The following MTARC1 variants were observed in gnomAD, a reference collection of about 807,000 sequenced individuals.
The protein encoded by MTARC1 is mitochondrial amidoxime reducing component 1.
MTARC1 carries 24 observed loss-of-function variants against 33.6 expected under a neutral mutation model. That is an observed-to-expected ratio of 0.72 (90% CI 0.52 to 1.01). The LOEUF (loss-of-function observed/expected upper bound fraction) is 1.01. Among genes scored for constraint, MTARC1 ranks in the 50% least tolerant of loss-of-function variants. The pLI is 0.00. For missense variants in MTARC1, 417 were observed against 445.7 expected, an observed-to-expected ratio of 0.94 and a Z score of 0.58; for synonymous variants, 187 against 189.5, an observed-to-expected ratio of 0.99 and a Z score of 0.11.
At position 220,812,045 on chromosome 1, in the gene MTARC1, G is replaced by A. The variant is rs551733991; in HGVS notation, c.888-1247G>A. On this transcript the variant is annotated intron_variant, in intron 6 of 6. Transcript: ENST00000366910. ...GAGAATTGAGGAGGGGGAATTACTC[G>A]TAGCTGGGGGAACCTGGGCTTCCTT... Among the ~76,000 whole-genome samples the A allele has an allele frequency of 9.8e-5, 15 of 152,340 alleles. No homozygotes were observed. In the East Asian group the frequency reaches 2.9e-3, roughly 29 times the overall value.
chr1:220,817,268 G>T lies in MTARC1; in HGVS notation c.*3850G>T. 6.3e-6 allele frequency: 1 copy of T among 159,922 alleles called. No homozygotes were observed. Among genetic ancestry groups the T allele is most frequent in the South Asian group, 2.0e-4 (1 of 5,116 alleles). The allele number at this position is 159,922 out of a possible 1,614,324, so 9.9% of individuals were successfully genotyped here. A position where few individuals can be genotyped will look rare whatever the true frequency, so the allele number is the denominator to read the frequency against. ...AGTTGGTTCCTTCTGGTGGGTTCTT[G>T]GTCTCGCTGACTTCAAGAATGAAGC... is the stretch of plus-strand genomic sequence containing the variant. On this transcript the variant is annotated 3_prime_UTR_variant, in exon 7 of 7. Coordinates refer to ENST00000366910, the MANE Select transcript of MTARC1 (RefSeq NM_022746.4).
chr1:220,791,673 AG>A lies in MTARC1; in HGVS notation c.449+12del. On this transcript the variant is annotated intron_variant, in intron 2 of 6. Coordinates refer to ENST00000366910, the MANE Select transcript of MTARC1 (RefSeq NM_022746.4). ...GCAGTGCACAAGTGCAGGTAAGGAAAGGGCAGGTCGTAGCCCTTGTGTGAAT... is the reference window on the plus strand; with the variant it reads ...GCAGTGCACAAGTGCAGGTAAGGAAAGGCAGGTCGTAGCCCTTGTGTGAAT... The A allele has an allele frequency of 6.2e-7, 1 of 1,613,532 alleles. No individual in the cohort carries two copies. Among genetic ancestry groups the A allele is most frequent in the Non-Finnish European group, 8.5e-7 (1 of 1,179,492 alleles).
At chr1:220,798,383 G>A in intron 4 of MTARC1, 1 of 1,182,726 alleles carries the variant, frequency 8.5e-7, no homozygotes, top group South Asian at 1.7e-5. Flanking sequence ...TTACTGTTTA[G>A]TAGACGGCTC....
intron 2 of MTARC1, among the ~76,000 whole-genome samples, chr1:220,792,246 A>T (rs1277378117): frequency 1.3e-5 from 2 of 152,170 alleles, no homozygotes; most frequent in African/African-American, 4.8e-5. Flanking sequence ...ACCCAGGAGG[A>T]TGTTCTGTAC....
At chr1:220,788,322 A>G (rs1413122228) in intron 1 of MTARC1, among the ~76,000 whole-genome samples, 3 of 152,162 alleles carry the variant, frequency 2.0e-5, no homozygotes, top group East Asian at 3.9e-4. Flanking sequence ...GTGAGGCTGC[A>G]CTTGAAACTC....
intron 6 of MTARC1, among the ~76,000 whole-genome samples, chr1:220,812,406 A>G (rs932901463): frequency 6.6e-6 from 1 of 152,260 alleles, no homozygotes; most frequent in Non-Finnish European, 1.5e-5. Context: ...CAGTGTCAAC[A>G]ATGAATTGAA....
At chr1:220,804,380 ATATT>A (rs1420286912) in intron 4 of MTARC1, among the ~76,000 whole-genome samples, 2 of 152,146 alleles carry the variant, frequency 1.3e-5, no homozygotes, top group East Asian at 3.8e-4. Flanking sequence ...TAAAAATAAA[ATATT>A]TATCTTTAGA....
At chr1:220,800,136 C>T (rs2102597949) in intron 4 of MTARC1, among the ~76,000 whole-genome samples, 1 of 152,214 alleles carries the variant, frequency 6.6e-6, no homozygotes, top group Non-Finnish European at 1.5e-5. Flanking sequence ...GGAGATGGCC[C>T]AGAGTAGAAC....
In MTARC1 at chr1:220,818,527, G is replaced by C. The variant is rs891665353; in HGVS notation, c.*5109G>C. 6.6e-6 allele frequency: 1 copy of C among 152,094 alleles called. No individual in the cohort carries two copies. Among genetic ancestry groups the C allele is most frequent in the Non-Finnish European group, 1.5e-5 (1 of 68,028 alleles). 9.4% of individuals were successfully genotyped at this position (152,094 alleles called of 1,614,324 possible). Reference sequence around the variant, plus strand: ...AGTCATGCTCCTTTACCTTTACAGAGCATCCTAGACTGCTCTTCCTCTTAC... The same window carrying C: ...AGTCATGCTCCTTTACCTTTACAGACCATCCTAGACTGCTCTTCCTCTTAC... On this transcript the variant is annotated 3_prime_UTR_variant, in exon 7 of 7. Transcript: ENST00000366910.
chr1:220,787,851 A>G (rs552929374), intron 1 of MTARC1, among the ~76,000 whole-genome samples: 2 of 152,014 alleles, frequency 1.3e-5, no homozygotes, highest in Non-Finnish European at 2.9e-5. Flanking sequence ...CAAACAAAAA[A>G]ACAAAAATTA....
At chr1:220,794,675 G>T (rs1025713821) in intron 2 of MTARC1, among the ~76,000 whole-genome samples, 1 of 152,020 alleles carries the variant, frequency 6.6e-6, no homozygotes, top group Admixed American at 6.6e-5. Context: ...ATAAATTTGG[G>T]TATGTTTATT....
intron 4 of MTARC1, among the ~76,000 whole-genome samples, chr1:220,803,571 CTG>C (rs1265449980): frequency 1.3e-5 from 2 of 152,142 alleles, no homozygotes; most frequent in East Asian, 3.9e-4. Flanking sequence ...CCTCCCTTCT[CTG>C]AAGCTACCGT....
intron 6 of MTARC1, among the ~76,000 whole-genome samples, chr1:220,808,037 A>G (rs1170593269): frequency 6.6e-6 from 1 of 152,158 alleles, no homozygotes; most frequent in African/African-American, 2.4e-5. Flanking sequence ...AAATCAGCCA[A>G]GTGGTTTGGG....
Position 220,813,314 on chromosome 1 carries a change from G to GAACGA in MTARC1, c.913_917dup (p.Lys306AsnfsTer73). Reference sequence around the variant, plus strand: ...CAGTTATCGCCAGTGTGACCCTTCAGAACGAAAGTTATATGGAAAATCACC... The same window carrying GAACGA: ...CAGTTATCGCCAGTGTGACCCTTCAGAACGAAACGAAAGTTATATGGAAAATCACC... On this transcript the variant is annotated frameshift_variant, in exon 7 of 7. Coordinates refer to ENST00000366910, the MANE Select transcript of MTARC1 (RefSeq NM_022746.4). LOFTEE classifies it low-confidence loss of function (END_TRUNC). 4 of 1,614,110 alleles carry GAACGA rather than the reference G, an allele frequency of 2.5e-6. No individual in the cohort carries two copies. Among genetic ancestry groups the GAACGA allele is most frequent in the Non-Finnish European group, 3.4e-6 (4 of 1,180,032 alleles).
At chr1:220,798,422 G>T in intron 4 of MTARC1, 1 of 1,173,456 alleles carries the variant, frequency 8.5e-7, no homozygotes, top group Non-Finnish European at 1.1e-6. Context: ...TTTACTGCAA[G>T]GCTGCTGGGT....
rs1320087050 is a variant in MTARC1, at chr1:220,787,210, T to G, written c.266T>G (p.Leu89Arg). Residue 89 changes from leucine to arginine, a missense_variant, in exon 1 of 7, where the codon CTG (leucine) becomes CGG (arginine). Coordinates refer to ENST00000366910, the MANE Select transcript of MTARC1 (RefSeq NM_022746.4). Reference sequence around the variant, plus strand: ...GCCATGGGGCTGCGCAGCGGCAACCTGCGGGACAGGTACGGCCAAGCGCCG... The same window carrying G: ...GCCATGGGGCTGCGCAGCGGCAACCGGCGGGACAGGTACGGCCAAGCGCCG... ...CTAMGLRSGN[L>R]RDRFWLVINQ... is the part of the protein sequence containing the mutation. The G allele has an allele frequency of 1.3e-6, 2 of 1,571,694 alleles. No individual in the cohort carries two copies. The highest frequency in any genetic ancestry group is 8.6e-7 in the Non-Finnish European group (1 of 1,159,874).
At chr1:220,810,888 T>G (rs970015731) in intron 6 of MTARC1, among the ~76,000 whole-genome samples, 4 of 152,158 alleles carry the variant, frequency 2.6e-5, no homozygotes, top group Non-Finnish European at 4.4e-5. Context: ...AGATCTGTGA[T>G]CTCAGGCAAG....
intron 6 of MTARC1, among the ~76,000 whole-genome samples, chr1:220,809,425 C>T (rs769678105): frequency 1.2e-4 from 18 of 152,200 alleles, no homozygotes; most frequent in Non-Finnish European, 2.2e-4. Flanking sequence ...ACTTGCCCAG[C>T]GGCCAGCCTC....
intron 6 of MTARC1, among the ~76,000 whole-genome samples, chr1:220,811,729 T>C (rs935222035): frequency 6.6e-6 from 1 of 152,246 alleles, no homozygotes; most frequent in African/African-American, 2.4e-5. Flanking sequence ...TCTTGCCATG[T>C]GAGTCCCACA....
Sources: allele counts gnomAD v4.1 joint callset (sites outside exome capture counted in the v4.1 genomes callset), GRCh38; gene constraint gnomAD v4.1.1; transcripts MANE v1.5; gene names NCBI Gene and HGNC (gene_info 2026-07-23, HGNC 2026-07-21).